ASB3: variants seen among roughly 807,000 people sequenced by gnomAD.
The protein encoded by ASB3 is ankyrin repeat and SOCS box protein 3.
A neutral mutation model predicts 54.5 loss-of-function variants in ASB3; 41 were observed. The ratio of observed to expected loss-of-function variants is 0.75; its 90% CI spans 0.59 to 0.98. The LOEUF is 0.98. Among genes scored for constraint, ASB3 ranks in the 50% least tolerant of loss-of-function variants. The pLI is 0.00. For synonymous variants in ASB3, 266 were observed against 221.2 expected, an observed-to-expected ratio of 1.20 and a Z score of -1.80; for missense variants, 733 against 620.0, an observed-to-expected ratio of 1.18 and a Z score of -1.94.
At chr2:53,780,734 G>T (rs1674599682) in intron 1 of ASB3, among the ~76,000 whole-genome samples, 1 of 152,026 alleles carries the variant, frequency 6.6e-6, no homozygotes, top group Non-Finnish European at 1.5e-5. Context: ...GCTATCATAA[G>T]GCCCCTACAC....
At chr2:53,786,622 G>A (rs1024481488) in intron 1 of ASB3, 199 bp downstream of exon 1, 1 of 152,656 alleles carries the variant, frequency 6.6e-6, no homozygotes, top group Non-Finnish European at 1.5e-5. Context: ...AAAGCTGCAA[G>A]AAGGCAGGTC....
At chr2:53,736,972 A>G (rs963724437) in intron 3 of ASB3, among the ~76,000 whole-genome samples, 1 of 152,214 alleles carries the variant, frequency 6.6e-6, no homozygotes, top group African/African-American at 2.4e-5. Context: ...CAACAGAGCA[A>G]GACTCTGTCT....
chr2:53,714,308 G>C lies in ASB3; in HGVS notation c.980+76C>G. On this transcript the variant is annotated intron_variant, in intron 7 of 9. Transcript: ENST00000263634. Reference sequence around the variant, plus strand: ...TAACAGAGATACTAAGTTTCATCGTGAAAGAAAGTCACTTCAAAACACATC... The same window carrying C: ...TAACAGAGATACTAAGTTTCATCGTCAAAGAAAGTCACTTCAAAACACATC... 2.0e-6 allele frequency: 3 copies of C among 1,533,440 alleles called. No individual in the cohort carries two copies. The South Asian group carries it at 3.8e-5, about 20-fold the overall frequency. 95.0% of individuals were successfully genotyped at this position (1,533,440 alleles called of 1,614,324 possible). A position where few individuals can be genotyped will look rare whatever the true frequency, so the allele number is the denominator to read the frequency against.
chr2:53,684,770 T>C (rs945987670), intron 9 of ASB3, among the ~76,000 whole-genome samples: 8 of 152,122 alleles, frequency 5.3e-5, no homozygotes, highest in African/African-American at 1.7e-4. Flanking sequence ...TGCAATGCAG[T>C]TTGAGAGGTA....
intron 6 of ASB3, among the ~76,000 whole-genome samples, 184 bp downstream of exon 6, chr2:53,716,382 T>C (rs1322193602): frequency 6.6e-6 from 1 of 151,318 alleles, no homozygotes; most frequent in Non-Finnish European, 1.5e-5. Flanking sequence ...AATATGAAAG[T>C]GCAGGAATAG....
chr2:53,677,607 C>G (rs1490811727), intron 9 of ASB3, among the ~76,000 whole-genome samples: 1 of 152,156 alleles, frequency 6.6e-6, no homozygotes, highest in Non-Finnish European at 1.5e-5. Context: ...GCCAGTTTTA[C>G]TGTGGCAGGA....
At chr2:53,725,385 T>A (rs548203935) in intron 5 of ASB3, among the ~76,000 whole-genome samples, 4 of 152,180 alleles carry the variant, frequency 2.6e-5, no homozygotes, top group African/African-American at 4.8e-5. Context: ...AACCTCAGCA[T>A]CATGCAATAC....
chr2:53,695,171 GA>G (rs1669120731), intron 8 of ASB3, among the ~76,000 whole-genome samples: 1 of 152,124 alleles, frequency 6.6e-6, no homozygotes, highest in Non-Finnish European at 1.5e-5. Flanking sequence ...AAGATAAACT[GA>G]ATAACAATCT....
chr2:53,711,967 T>C (rs1420654342), intron 7 of ASB3, among the ~76,000 whole-genome samples: 1 of 152,158 alleles, frequency 6.6e-6, no homozygotes, highest in Non-Finnish European at 1.5e-5. Context: ...CTCCACTGCA[T>C]GTTAAGAACT....
chr2:53,701,720 T>A (rs1208838057), intron 7 of ASB3, among the ~76,000 whole-genome samples: 1 of 152,218 alleles, frequency 6.6e-6, no homozygotes, highest in African/African-American at 2.4e-5. Context: ...TCCAAATATA[T>A]GCTCAATGTT....
In ASB3 at chr2:53,765,469, C is replaced by T. The variant is rs1265307204; in HGVS notation, c.104G>A (p.Ser35Asn). The change falls in exon 2 of 10, where the codon AGT becomes AAT. Residue 35 changes from serine (S) to asparagine (N), a missense_variant. Physicochemically the swap from Ser to Asn is conservative, Grantham distance 46. Coordinates refer to ENST00000263634, the MANE Select transcript of ASB3 (RefSeq NM_016115.5). ...TCCCCTGTTATCAGCAACATCGACACTTCGGCCCTTTTTGAGCAGTTTCCT... is the reference window on the plus strand; with the variant it reads ...TCCCCTGTTATCAGCAACATCGACATTTCGGCCCTTTTTGAGCAGTTTCCT... Reference protein sequence around the residue: ...VLRKLLKKGRSVDVADNRGWM... With the variant: ...VLRKLLKKGRNVDVADNRGWM... The T allele has an allele frequency of 6.2e-7, 1 of 1,614,122 alleles. No homozygotes were observed. Among genetic ancestry groups the T allele is most frequent in the Non-Finnish European group, 8.5e-7 (1 of 1,180,046 alleles).
intron 1 of ASB3, among the ~76,000 whole-genome samples, chr2:53,782,721 C>A (rs903717108): frequency 1.3e-5 from 2 of 152,186 alleles, no homozygotes; most frequent in Non-Finnish European, 2.9e-5. Flanking sequence ...TCGTTTCTTG[C>A]ACTTCACTCA....
intron 7 of ASB3, among the ~76,000 whole-genome samples, chr2:53,712,449 C>G (rs1670154212): frequency 6.6e-6 from 1 of 152,262 alleles, no homozygotes; most frequent in East Asian, 1.9e-4. Context: ...AAAAAAGGGT[C>G]TGCCCCCTAA....
At chr2:53,681,631 T>C (rs1668376748) in intron 9 of ASB3, among the ~76,000 whole-genome samples, 1 of 152,202 alleles carries the variant, frequency 6.6e-6, no homozygotes, top group Non-Finnish European at 1.5e-5. Flanking sequence ...TTCCCCAATG[T>C]ATGTTCTTGG....
intron 1 of ASB3, among the ~76,000 whole-genome samples, chr2:53,777,079 T>C (rs1482712967): frequency 6.6e-6 from 1 of 152,212 alleles, no homozygotes; most frequent in African/African-American, 2.4e-5. Context: ...TACTTAATTG[T>C]ACTGAGCCTC....
intron 5 of ASB3, 89 bp from the exon 6 acceptor site, chr2:53,716,832 TC>T: frequency 7.2e-7 from 1 of 1,391,386 alleles, no homozygotes; most frequent in Middle Eastern, 2.2e-4. Context: ...TAAAAGGGTT[TC>T]GTAGCACGGT....
chr2:53,756,395 A>T (rs2104034557), intron 2 of ASB3, among the ~76,000 whole-genome samples: 1 of 152,274 alleles, frequency 6.6e-6, no homozygotes, highest in East Asian at 1.9e-4. Context: ...TGATTAACAT[A>T]GCATACAATT....
At chr2:53,720,977 G>C (rs1056164725) in intron 5 of ASB3, among the ~76,000 whole-genome samples, 1 of 151,660 alleles carries the variant, frequency 6.6e-6, no homozygotes, top group African/African-American at 2.4e-5. Flanking sequence ...AAATTAGCTG[G>C]CCACAGGGGT....
At chr2:53,765,648 C>T (rs1024509251) in intron 1 of ASB3, 63 bp from the exon 2 acceptor site, 2 of 1,590,488 alleles carry the variant, frequency 1.3e-6, no homozygotes, top group African/African-American at 2.7e-5. Flanking sequence ...TCCTAGAGGT[C>T]AGCAAATCAC....
Sources: gnomAD v4.1 joint callset for allele counts (sites outside exome capture counted in the v4.1 genomes callset) on GRCh38, gnomAD v4.1.1 for gene constraint, MANE v1.5 for transcripts, NCBI Gene and HGNC (gene_info 2026-07-23, HGNC 2026-07-21) for gene names.